Variants in AGAP1 observed in about 807,000 individuals in gnomAD.
AGAP1 encodes arf-GAP with GTPase, ANK repeat and PH domain-containing protein 1.
Under a neutral mutation model 105.3 loss-of-function variants are expected in AGAP1, and 29 were observed. The observed-to-expected ratio is 0.28, with a 90% CI of 0.21 to 0.38. The LOEUF is 0.38. Among genes scored for constraint, AGAP1 ranks in the 10% least tolerant of loss-of-function variants. The pLI is 1.00. For synonymous variants in AGAP1, 509 were observed against 485.9 expected, an observed-to-expected ratio of 1.05 and a Z score of -0.63; for missense variants, 998 against 1,165.1, an observed-to-expected ratio of 0.86 and a Z score of 2.09.
intron 11 of AGAP1, among the ~76,000 whole-genome samples, chr2:235,913,284 A>G (rs1428957717): frequency 6.6e-6 from 1 of 152,120 alleles, no homozygotes; most frequent in Non-Finnish European, 1.5e-5. Context: ...GAATATATGT[A>G]TATGCATATA....
At chr2:235,947,584 G>A (rs2053555217) in intron 12 of AGAP1, among the ~76,000 whole-genome samples, 1 of 152,158 alleles carries the variant, frequency 6.6e-6, no homozygotes, top group Admixed American at 6.5e-5. Context: ...TTTCCTCTGG[G>A]TAGATACCCA....
Position 236,124,002 on chromosome 2 carries a change from C to T in AGAP1, c.2454C>T (p.Ile818=), listed in dbSNP as rs773891428. Residue 818 remains isoleucine, a synonymous_variant, in exon 18 of 18, where the codon ATC becomes ATT. Transcript: ENST00000304032. This position sits in a 1 kb window ranked among gnomAD's most constrained non-coding sequence, Gnocchi z 5.1. ...GGCAGGCCTCCAGCCAGGAGTGCATCGACGTGCTGCTGCAGTACGGCTGCC... is the reference window on the plus strand; with the variant it reads ...GGCAGGCCTCCAGCCAGGAGTGCATTGACGTGCTGCTGCAGTACGGCTGCC... ...YARQASSQEC[I]DVLLQYGCPD... is the part of the protein sequence containing the mutation. 6.2e-6 allele frequency: 10 copies of T among 1,613,948 alleles called. No homozygotes were observed. Among genetic ancestry groups the T allele is most frequent in the South Asian group, 2.2e-5 (2 of 91,072 alleles).
At chr2:235,926,158 G>T (rs2052435939) in intron 11 of AGAP1, among the ~76,000 whole-genome samples, 1 of 152,212 alleles carries the variant, frequency 6.6e-6, no homozygotes, top group African/African-American at 2.4e-5. Flanking sequence ...ATTCATTCAA[G>T]AACAGAAATG....
chr2:236,092,891 G>A lies in AGAP1; in HGVS notation c.2115-27301G>A. 6.6e-6 allele frequency among the ~76,000 whole-genome samples: 1 copy of A among 152,244 alleles called. No homozygotes were observed. The highest frequency in any genetic ancestry group is 1.5e-5 in the Non-Finnish European group (1 of 68,048). On this transcript the variant is annotated intron_variant, in intron 16 of 17. Transcript: ENST00000304032. The surrounding 1 kb of genome is among the most constrained non-coding windows in gnomAD (Gnocchi z 4.7). ...TGCTGTGCCAGAAAGAAAGCACAGA[G>A]CTACCAGGGACCAGGGCAGATGCCG...
rs750744707 is a variant in AGAP1, at chr2:235,930,732, G to A, written c.1325-33G>A. On this transcript the variant is annotated intron_variant, in intron 11 of 17. Coordinates refer to ENST00000304032, the MANE Select transcript of AGAP1 (RefSeq NM_001037131.3). The surrounding 1 kb of genome is among the most constrained non-coding windows in gnomAD (Gnocchi z 7.9). Reference sequence around the variant, plus strand: ...CGCTGGTTTCTGTGGTCTGCAGTCCGCGGTGGTGTTCACCTGACTTGTTTA... The same window carrying A: ...CGCTGGTTTCTGTGGTCTGCAGTCCACGGTGGTGTTCACCTGACTTGTTTA... 37 of 1,605,240 alleles carry A rather than the reference G, an allele frequency of 2.3e-5. No individual in the cohort carries two copies. Among genetic ancestry groups the A allele is most frequent in the East Asian group, 2.0e-4 (9 of 44,810 alleles).
At position 235,928,255 on chromosome 2, in the gene AGAP1, C is replaced by T. The variant is rs561052289; in HGVS notation, c.1325-2510C>T. The stretch of plus-strand genomic sequence containing the variant: ...AAAGCGGAACCAGGCCAGGGAAGCC[C>T]CGGCAGCCACTCTTGGGAGGCGCCT... On this transcript the variant is annotated intron_variant, in intron 11 of 17. Coordinates refer to ENST00000304032, the MANE Select transcript of AGAP1 (RefSeq NM_001037131.3). 3.2e-3 allele frequency among the ~76,000 whole-genome samples: 493 copies of T among 152,302 alleles called. 2 individuals carry two copies. The South Asian group carries it at 0.04, about 12-fold the overall frequency.
chr2:235,633,895 G>A lies in AGAP1; in HGVS notation c.164-75284G>A, dbSNP rs1384637055. Among the ~76,000 whole-genome samples the A allele has an allele frequency of 2.6e-5, 4 of 152,190 alleles. No individual in the cohort carries two copies. On this transcript the variant is annotated intron_variant, in intron 1 of 17. Coordinates refer to ENST00000304032, the MANE Select transcript of AGAP1 (RefSeq NM_001037131.3). The surrounding 1 kb of genome is among the most constrained non-coding windows in gnomAD (Gnocchi z 4.8). ...GCTCAGGGGAGAATGAGGGGCAAGA[G>A]ATCAGGAGAGCAGGAGAAGCTCAGA...
At position 235,866,526 on chromosome 2, in the gene AGAP1, C is replaced by T. The variant is rs2049179576; in HGVS notation, c.1051-16819C>T. ...ACTGGTGAGGTCAGCATTGGACCAC[C>T]TCCCATGCTGGGTGCCATCAGTGTG... On this transcript the variant is annotated intron_variant, in intron 9 of 17. Coordinates refer to ENST00000304032, the MANE Select transcript of AGAP1 (RefSeq NM_001037131.3). This position sits in a 1 kb window ranked among gnomAD's most constrained non-coding sequence, Gnocchi z 6.1. Among the ~76,000 whole-genome samples the T allele has an allele frequency of 6.6e-6, 1 of 152,210 alleles. No homozygotes were observed. Among genetic ancestry groups the T allele is most frequent in the South Asian group, 2.1e-4 (1 of 4,836 alleles).
rs2051076833 is a variant in AGAP1, at chr2:235,901,791, A to G, written c.1156-6947A>G. Among the ~76,000 whole-genome samples, 1 of 152,080 alleles carries G rather than the reference A, an allele frequency of 6.6e-6. No homozygotes were observed. On this transcript the variant is annotated intron_variant, in intron 10 of 17. Transcript: ENST00000304032. This position sits in a 1 kb window ranked among gnomAD's most constrained non-coding sequence, Gnocchi z 4.3. ...CTACTCAGGAGGCTGAGGCAGTAGA[A>G]TCACTTGAACCCAGGAGACAGAAAT...
In AGAP1 at chr2:235,592,061, C is replaced by T. The variant is rs543632215; in HGVS notation, c.163+97212C>T. Among the ~76,000 whole-genome samples the T allele has an allele frequency of 4.6e-5, 7 of 152,290 alleles. No individual in the cohort carries two copies. The South Asian group carries it at 1.2e-3, about 27-fold the overall frequency. Reference sequence around the variant, plus strand: ...AGCCTCAGGCATTCCTTTATAGCAACGCAAGAACAGACTCACACAGTCATA... The same window carrying T: ...AGCCTCAGGCATTCCTTTATAGCAATGCAAGAACAGACTCACACAGTCATA... On this transcript the variant is annotated intron_variant, in intron 1 of 17. Coordinates refer to ENST00000304032, the MANE Select transcript of AGAP1 (RefSeq NM_001037131.3).
At chr2:235,607,526 T>C (rs1945985625) in intron 1 of AGAP1, among the ~76,000 whole-genome samples, 1 of 152,264 alleles carries the variant, frequency 6.6e-6, no homozygotes, top group Non-Finnish European at 1.5e-5. Context: ...GTGGAGCCCG[T>C]TGGCCTGGGT....
intron 16 of AGAP1, among the ~76,000 whole-genome samples, chr2:236,103,141 C>T (rs1337424611): frequency 1.3e-5 from 2 of 152,166 alleles, no homozygotes; most frequent in Non-Finnish European, 2.9e-5. Context: ...CCAGACAGCA[C>T]ATGTGTCGTG....
At position 235,692,170 on chromosome 2, in the gene AGAP1, C is replaced by T. The variant is rs1447302055; in HGVS notation, c.164-17009C>T. On this transcript the variant is annotated intron_variant, in intron 1 of 17. Coordinates refer to ENST00000304032, the MANE Select transcript of AGAP1 (RefSeq NM_001037131.3). The surrounding 1 kb of genome is among the most constrained non-coding windows in gnomAD (Gnocchi z 5.8). ...TGTATCCATAAGCCAAAGCCGGGGG[C>T]TCCCTGGCAGATGCCCCTACCTGGC... Among the ~76,000 whole-genome samples the T allele has an allele frequency of 6.6e-6, 1 of 152,106 alleles. No homozygotes were observed. Among genetic ancestry groups the T allele is most frequent in the Non-Finnish European group, 1.5e-5 (1 of 68,010 alleles).
chr2:235,837,135 A>AAC (rs1559545816), intron 9 of AGAP1, among the ~76,000 whole-genome samples: 1 of 152,110 alleles, frequency 6.6e-6, no homozygotes, highest in African/African-American at 2.4e-5. Flanking sequence ...ACAGGCATGC[A>AAC]ACACCACGCC....
At chr2:236,093,031 G>C (rs977039070) in intron 16 of AGAP1, among the ~76,000 whole-genome samples, 1 of 152,214 alleles carries the variant, frequency 6.6e-6, no homozygotes, top group Non-Finnish European at 1.5e-5. Flanking sequence ...TTTTAAACAT[G>C]GGTCCACGAC....
rs1453310321 is a variant in AGAP1, at chr2:235,535,236, T to G, written c.163+40387T>G. On this transcript the variant is annotated intron_variant, in intron 1 of 17. Transcript: ENST00000304032. The surrounding 1 kb of genome is among the most constrained non-coding windows in gnomAD (Gnocchi z 5.1). ...AGCGGAAGACCCGATGGAGCAGGTT[T>G]CACAGTGCCCTCGCTGCTGCCTCCC... Among the ~76,000 whole-genome samples the G allele has an allele frequency of 6.6e-6, 1 of 152,102 alleles. No homozygotes were observed.
rs374482320 is a variant in AGAP1 at position 236,051,615 on chromosome 2, T to C, written c.2114+2334T>C. ...ACCGTGGACGGGAGCCTCCCATGAA[T>C]GAGGAGGAGCAGGAATGGGGGAGGC... On this transcript the variant is annotated intron_variant, in intron 16 of 17. Transcript: ENST00000304032. The surrounding 1 kb of genome is among the most constrained non-coding windows in gnomAD (Gnocchi z 5.9). Among the ~76,000 whole-genome samples the C allele has an allele frequency of 2.0e-5, 3 of 151,410 alleles. No individual in the cohort carries two copies. The East Asian group carries it at 5.8e-4, about 30-fold the overall frequency.
intron 10 of AGAP1, among the ~76,000 whole-genome samples, chr2:235,892,582 G>GAA (rs11336949): frequency 1.8e-4 from 26 of 142,972 alleles, no homozygotes; most frequent in African/African-American, 6.4e-4. Flanking sequence ...AATCATTCAA[G>GAA]AAAAAAAAAA....
chr2:236,112,366 A>C (rs1480631020), intron 16 of AGAP1, among the ~76,000 whole-genome samples: 1 of 151,904 alleles, frequency 6.6e-6, no homozygotes, highest in African/African-American at 2.4e-5. Context: ...CAGTGAGCCA[A>C]GATTGTGCCA....
Sources: gnomAD v4.1 joint callset for allele counts (sites outside exome capture counted in the v4.1 genomes callset) on GRCh38, gnomAD v4.1.1 for gene constraint, Gnocchi (gnomAD v3.1) non-coding constraint, MANE v1.5 for transcripts, NCBI Gene and HGNC (gene_info 2026-07-23, HGNC 2026-07-21) for gene names.